Variants in USH2A observed in about 807,000 individuals in gnomAD.
USH2A encodes usherin.
A neutral mutation model predicts 538.9 loss-of-function variants in USH2A; 443 were observed. The observed-to-expected ratio is 0.82, with a 90% confidence interval of 0.76 to 0.89. USH2A has a LOEUF of 0.89. Among genes scored for constraint, USH2A ranks in the 40% least tolerant of loss-of-function variants. The pLI is 0.00. For synonymous variants in USH2A, 2,413 were observed against 2,273.5 expected (o/e 1.06, Z -1.75); for missense variants, 6,633 against 6,324.8 (o/e 1.05, Z -1.65).
At chr1:216,048,888 G>A (rs2030638757) in intron 30 of USH2A, among the ~76,000 whole-genome samples, 2 of 152,210 alleles carry the variant, frequency 1.3e-5, no homozygotes, top group African/African-American at 4.8e-5. Flanking sequence ...CTCTCAAACA[G>A]CATCTGATGT....
intron 20 of USH2A, among the ~76,000 whole-genome samples, chr1:216,176,138 AT>A (rs1167525097): frequency 6.6e-6 from 1 of 152,180 alleles, no homozygotes; most frequent in Admixed American, 6.5e-5. Flanking sequence ...TCAGAAAGTC[AT>A]TTTTAAAAAG....
chr1:216,359,212 T>C (rs1404381791), intron 4 of USH2A, among the ~76,000 whole-genome samples: 1 of 152,120 alleles, frequency 6.6e-6, no homozygotes, highest in Non-Finnish European at 1.5e-5. Context: ...ACGGTCTTCA[T>C]ATTTTCTCTT....
intron 49 of USH2A, among the ~76,000 whole-genome samples, chr1:215,806,873 T>C (rs1183800897): frequency 6.6e-6 from 1 of 152,012 alleles, no homozygotes; most frequent in African/African-American, 2.4e-5. Flanking sequence ...TCATATATTC[T>C]TGCACTCAGG....
intron 61 of USH2A, among the ~76,000 whole-genome samples, chr1:215,689,709 G>A (rs942510764): frequency 2.6e-5 from 4 of 152,188 alleles, no homozygotes; most frequent in African/African-American, 9.7e-5. Flanking sequence ...GGACATGAGG[G>A]CCAACAGCCA....
At chr1:216,029,435 A>G (rs1023729419) in intron 32 of USH2A, among the ~76,000 whole-genome samples, 7 of 152,100 alleles carry the variant, frequency 4.6e-5, no homozygotes, top group African/African-American at 1.7e-4. Flanking sequence ...TTGTTTAACT[A>G]GTAGTCTAGT....
intron 38 of USH2A, among the ~76,000 whole-genome samples, chr1:215,919,221 CA>C (rs1400121737): frequency 6.6e-6 from 1 of 152,074 alleles, no homozygotes; most frequent in Non-Finnish European, 1.5e-5. Flanking sequence ...CTTCAGGAAT[CA>C]GCAGCCATTA....
chr1:215,985,736 T>C (rs966865888), intron 35 of USH2A, among the ~76,000 whole-genome samples: 2 of 152,204 alleles, frequency 1.3e-5, no homozygotes, highest in African/African-American at 4.8e-5. Context: ...AACTTATTTC[T>C]ATAGCATCAT....
intron 58 of USH2A, among the ~76,000 whole-genome samples, chr1:215,747,038 G>A (rs1357620145): frequency 5.3e-5 from 8 of 152,186 alleles, no homozygotes; most frequent in African/African-American, 1.9e-4. Context: ...TTGTAGAGTT[G>A]AAGACTCTGT....
At chr1:216,278,869 G>A (rs1205861584) in intron 11 of USH2A, among the ~76,000 whole-genome samples, 3 of 152,114 alleles carry the variant, frequency 2.0e-5, no homozygotes, top group Non-Finnish European at 4.4e-5. Flanking sequence ...CAGAAAAATG[G>A]TACATTATGC....
At chr1:215,677,348 G>A (rs1044592065) in intron 62 of USH2A, among the ~76,000 whole-genome samples, 4 of 151,884 alleles carry the variant, frequency 2.6e-5, no homozygotes, top group Non-Finnish European at 5.9e-5. Context: ...ATTTCTATTC[G>A]TGTTTAAATG....
intron 30 of USH2A, among the ~76,000 whole-genome samples, chr1:216,055,372 C>T (rs897063078): frequency 1.3e-5 from 2 of 152,110 alleles, no homozygotes; most frequent in Admixed American, 1.3e-4. Flanking sequence ...TGGAAGAGCC[C>T]ACTTTTTAAA....
intron 3 of USH2A, among the ~76,000 whole-genome samples, chr1:216,383,057 TG>T (rs1245275847): frequency 6.6e-6 from 1 of 152,158 alleles, no homozygotes; most frequent in African/African-American, 2.4e-5. Flanking sequence ...CTGGTAGTCC[TG>T]GGATTTTAAG....
intron 30 of USH2A, among the ~76,000 whole-genome samples, chr1:216,061,193 C>A (rs2031168185): frequency 6.6e-6 from 1 of 152,174 alleles, no homozygotes; most frequent in African/African-American, 2.4e-5. Flanking sequence ...CTCTGATAGA[C>A]AAATTCATGA....
chr1:216,073,272 T>A lies in USH2A; in HGVS notation c.5601A>T (p.Lys1867Asn). Residue 1867 changes from lysine (K) to asparagine (N), a missense_variant, in exon 28 of 72, where the codon AAA becomes AAT. By Grantham distance (94) the Lys-to-Asn change is moderately conservative. Transcript: ENST00000307340. ...QGFGGCMKDV[K>N]FTRGAVVNLA... ...AGTTAACGACAGCACCCCGTGTAAATTTAACATCCTTCATGCAACCACCGA... is the reference window on the plus strand; with the variant it reads ...AGTTAACGACAGCACCCCGTGTAAAATTAACATCCTTCATGCAACCACCGA... 6.2e-7 allele frequency: 1 copy of A among 1,613,782 alleles called. No individual in the cohort carries two copies. The highest frequency in any genetic ancestry group is 8.5e-7 in the Non-Finnish European group (1 of 1,179,916).
intron 4 of USH2A, among the ~76,000 whole-genome samples, chr1:216,362,281 T>C (rs1223728484): frequency 2.0e-5 from 3 of 152,270 alleles, no homozygotes; most frequent in Non-Finnish European, 4.4e-5. Flanking sequence ...TATGGACACA[T>C]TGTATGAATA....
chr1:215,813,933 A>G (rs1662778904), intron 48 of USH2A, 29 bp from the exon 49 acceptor site: 2 of 1,611,386 alleles, frequency 1.2e-6, no homozygotes, highest in East Asian at 2.2e-5. Context: ...TTTTAAAGAA[A>G]TATCAGTTTA....
intron 61 of USH2A, among the ~76,000 whole-genome samples, chr1:215,717,203 GGA>G (rs2102703532): frequency 6.6e-6 from 1 of 152,204 alleles, no homozygotes; most frequent in South Asian, 2.1e-4. Flanking sequence ...TTTGTCCCTA[GGA>G]GAGTCTGAGA....
chr1:215,640,386 G>T (rs1338991459), intron 68 of USH2A, among the ~76,000 whole-genome samples, 172 bp downstream of exon 68: 1 of 152,084 alleles, frequency 6.6e-6, no homozygotes, highest in Non-Finnish European at 1.5e-5. Flanking sequence ...CTGCAAATGG[G>T]AAGGAAAGAA....
intron 32 of USH2A, among the ~76,000 whole-genome samples, chr1:216,006,622 C>CT (rs1198499668): frequency 2.0e-5 from 3 of 152,148 alleles, no homozygotes; most frequent in Non-Finnish European, 4.4e-5. Flanking sequence ...GCTTTTGGAA[C>CT]TTTTCAGCCA....
Sources: allele counts gnomAD v4.1 joint callset (sites outside exome capture counted in the v4.1 genomes callset), GRCh38; gene constraint gnomAD v4.1.1; transcripts MANE v1.5; gene names NCBI Gene and HGNC (gene_info 2026-07-23, HGNC 2026-07-21).